The following SDK1 variants were observed in gnomAD, a reference collection of about 807,000 sequenced individuals.
SDK1 encodes sidekick cell adhesion molecule 1.
A neutral mutation model predicts 245.5 loss-of-function variants in SDK1; 157 were observed. The observed-to-expected ratio is 0.64, with a 90% CI of 0.56 to 0.73. The LOEUF (loss-of-function observed/expected upper bound fraction) is 0.73. Ranked by LOEUF, SDK1 falls within the 30% of genes least tolerant of loss-of-function variation. The pLI is 0.00. For synonymous variants in SDK1, 1,647 were observed against 1,278.5 expected (o/e 1.29, Z -6.15); for missense variants, 3,583 against 3,002.3 (o/e 1.19, Z -4.52).
chr7:4,225,367 G>A (rs1785372147), intron 40 of SDK1, among the ~76,000 whole-genome samples: 1 of 152,194 alleles, frequency 6.6e-6, no homozygotes. Flanking sequence ...CAGCCTGCTC[G>A]GACAAGCACA....
intron 32 of SDK1, among the ~76,000 whole-genome samples, chr7:4,167,049 C>T (rs1043295203): frequency 3.3e-5 from 5 of 152,212 alleles, no homozygotes; most frequent in Non-Finnish European, 5.9e-5. Flanking sequence ...TTGACTTCTT[C>T]CTGCCTCCCC....
intron 2 of SDK1, among the ~76,000 whole-genome samples, chr7:3,636,133 A>G (rs1407881903): frequency 6.6e-6 from 1 of 152,230 alleles, no homozygotes; most frequent in South Asian, 2.1e-4. Flanking sequence ...TTATACGCCC[A>G]TGAAACTTTC....
Position 3,834,694 on chromosome 7 carries a change from T to G in SDK1, c.847+13111T>G, listed in dbSNP as rs75020327. 1.2e-3 allele frequency among the ~76,000 whole-genome samples: 188 copies of G among 152,268 alleles called. 4 individuals are homozygous for G. The East Asian group carries it at 0.031, about 25-fold the overall frequency. On this transcript the variant is annotated intron_variant, in intron 5 of 44. Transcript: ENST00000404826. Reference sequence around the variant, plus strand: ...AACCCCATTCCAAGAGAATCCTTATTGATAATTGTTTTTCATCACCCACTA... The same window carrying G: ...AACCCCATTCCAAGAGAATCCTTATGGATAATTGTTTTTCATCACCCACTA...
At chr7:3,801,761 G>C (rs956257834) in intron 4 of SDK1, among the ~76,000 whole-genome samples, 1 of 152,154 alleles carries the variant, frequency 6.6e-6, no homozygotes, top group Non-Finnish European at 1.5e-5. Context: ...AACACGCCCA[G>C]CCTGTCCCAT....
At chr7:3,547,469 G>A (rs187518376) in intron 1 of SDK1, among the ~76,000 whole-genome samples, 35 of 152,238 alleles carry the variant, frequency 2.3e-4, no homozygotes, top group Admixed American at 7.8e-4. Flanking sequence ...TAATAAACAC[G>A]TTGTTATACT....
Position 3,702,109 on chromosome 7 carries a change from C to G in SDK1, c.713+60004C>G, listed in dbSNP as rs148616459. Among the ~76,000 whole-genome samples, 916 of 152,096 alleles carry G rather than the reference C, an allele frequency of 6.0e-3. 13 individuals are homozygous for G. The highest frequency in any genetic ancestry group is 0.02 in the African/African-American group (848 of 41,482). On this transcript the variant is annotated intron_variant, in intron 4 of 44. Transcript: ENST00000404826. ...GTGTTCTTAGACATGACACCAGAGA[C>G]ACAGTCCATAAATGTAAAAATTCAA...
At chr7:3,745,459 C>G (rs1209682885) in intron 4 of SDK1, among the ~76,000 whole-genome samples, 1 of 152,132 alleles carries the variant, frequency 6.6e-6, no homozygotes, top group African/African-American at 2.4e-5. Flanking sequence ...GACTGAGAAA[C>G]TGACATTTAT....
chr7:4,074,281 T>A (rs577682677), intron 20 of SDK1, among the ~76,000 whole-genome samples: 2 of 152,278 alleles, frequency 1.3e-5, no homozygotes, highest in Non-Finnish European at 2.9e-5. Context: ...AAGCAGGGGC[T>A]TAGTGTATCC....
At chr7:4,170,851 A>G (rs1279208132) in intron 32 of SDK1, among the ~76,000 whole-genome samples, 3 of 152,088 alleles carry the variant, frequency 2.0e-5, no homozygotes, top group African/African-American at 7.2e-5. Flanking sequence ...GAAAGAGCAA[A>G]TGAGCAGCCC....
intron 14 of SDK1, among the ~76,000 whole-genome samples, chr7:3,993,776 C>T (rs1200182593): frequency 6.6e-6 from 1 of 152,092 alleles, no homozygotes. Context: ...GCTTCTTCTG[C>T]CTCAAAGGAC....
intron 44 of SDK1, among the ~76,000 whole-genome samples, chr7:4,255,173 T>C (rs1018621507): frequency 3.9e-5 from 6 of 152,250 alleles, no homozygotes; most frequent in African/African-American, 1.4e-4. Context: ...TAGCTGGTTT[T>C]ACCGCTTCCA....
intron 17 of SDK1, among the ~76,000 whole-genome samples, chr7:4,035,966 C>A (rs948505872): frequency 6.6e-6 from 1 of 152,178 alleles, no homozygotes; most frequent in African/African-American, 2.4e-5. Flanking sequence ...CTATTCAATG[C>A]TGAATTTGTA....
At chr7:3,849,248 C>T (rs1396372627) in intron 5 of SDK1, among the ~76,000 whole-genome samples, 4 of 152,194 alleles carry the variant, frequency 2.6e-5, no homozygotes, top group Non-Finnish European at 4.4e-5. Context: ...ATCATGTCTT[C>T]CCCGGAGATG....
At chr7:3,597,219 C>T (rs1781095761) in intron 1 of SDK1, among the ~76,000 whole-genome samples, 1 of 149,700 alleles carries the variant, frequency 6.7e-6, no homozygotes, top group Non-Finnish European at 1.5e-5. Context: ...TTGCAGTGAG[C>T]CCAGATCGCG....
intron 5 of SDK1, among the ~76,000 whole-genome samples, chr7:3,900,057 A>G (rs776423337): frequency 6.6e-6 from 1 of 152,266 alleles, no homozygotes; most frequent in East Asian, 1.9e-4. Context: ...TTTAACAAAT[A>G]CGAACATTTT....
At chr7:3,984,822 G>T (rs1490366043) in intron 13 of SDK1, among the ~76,000 whole-genome samples, 1 of 152,148 alleles carries the variant, frequency 6.6e-6, no homozygotes, top group Non-Finnish European at 1.5e-5. Flanking sequence ...GCTGCCCTTG[G>T]GGTCCCAGAA....
chr7:4,068,933 G>C (rs896786812), intron 20 of SDK1, among the ~76,000 whole-genome samples: 1 of 151,998 alleles, frequency 6.6e-6, no homozygotes, highest in Admixed American at 6.6e-5. Flanking sequence ...TGTTGGCCAG[G>C]CTGGTCTCGA....
chr7:4,043,240 G>T (rs1274231570), intron 17 of SDK1, among the ~76,000 whole-genome samples: 2 of 149,918 alleles, frequency 1.3e-5, no homozygotes, highest in East Asian at 4.0e-4. Flanking sequence ...ACAGCCAGGG[G>T]CTCAGGTAGA....
intron 5 of SDK1, among the ~76,000 whole-genome samples, chr7:3,852,564 G>A (rs915936292): frequency 6.6e-6 from 1 of 151,330 alleles, no homozygotes; most frequent in Non-Finnish European, 1.5e-5. Context: ...TGGCTAACAC[G>A]GTGAAACCCC....
Sources: allele counts gnomAD v4.1 joint callset (sites outside exome capture counted in the v4.1 genomes callset), GRCh38; gene constraint gnomAD v4.1.1; transcripts MANE v1.5; gene names NCBI Gene and HGNC (gene_info 2026-07-23, HGNC 2026-07-21).